The following LYRM4 variants were observed in gnomAD, a reference collection of about 807,000 sequenced individuals.
LYRM4 encodes LYR motif containing 4.
Under a neutral mutation model 11.7 loss-of-function variants are expected in LYRM4, and 9 were observed. The ratio of observed to expected loss-of-function variants is 0.77; its 90% CI spans 0.46 to 1.34. The LOEUF is 1.34. Ranked by LOEUF, LYRM4 falls within the 40% of genes most tolerant of loss-of-function variation. The pLI is 0.00. For synonymous variants in LYRM4, 42 were observed against 40.4 expected, an observed-to-expected ratio of 1.04 and a Z score of -0.15; for missense variants, 133 against 112.5, an observed-to-expected ratio of 1.18 and a Z score of -0.82.
chr6:5,164,805 T>C (rs1758974679), intron 2 of LYRM4, among the ~76,000 whole-genome samples: 1 of 151,988 alleles, frequency 6.6e-6, no homozygotes, highest in African/African-American at 2.4e-5. Flanking sequence ...CAGTCTCTAC[T>C]AAAAATTTAA....
At chr6:5,158,933 G>A (rs1758580362) in intron 2 of LYRM4, among the ~76,000 whole-genome samples, 1 of 150,432 alleles carries the variant, frequency 6.6e-6, no homozygotes, top group Non-Finnish European at 1.5e-5. Context: ...TTCATAATTG[G>A]ACTGAAATGT....
chr6:5,082,966 T>A, the LYRM4 span, among the ~76,000 whole-genome samples: 1 of 152,224 alleles, frequency 6.6e-6, no homozygotes, highest in Non-Finnish European at 1.5e-5. Context: ...CCAGGTCAGA[T>A]ACCACCTTCT....
intron 1 of LYRM4, among the ~76,000 whole-genome samples, chr6:5,253,041 C>T: frequency 6.6e-6 from 1 of 152,192 alleles, no homozygotes; most frequent in Non-Finnish European, 1.5e-5. Flanking sequence ...CTTTGTACTT[C>T]ATTGATAAAC....
chr6:5,081,138 G>C, the LYRM4 span, among the ~76,000 whole-genome samples: 83 of 4,026 alleles, frequency 0.021, 2 homozygotes, highest in African/African-American at 0.025. Flanking sequence ...CTTGGGCGGG[G>C]GGGGGGGGGG....
At chr6:5,213,067 G>C (rs888716921) in intron 2 of LYRM4, among the ~76,000 whole-genome samples, 1 of 152,196 alleles carries the variant, frequency 6.6e-6, no homozygotes, top group African/African-American at 2.4e-5. Flanking sequence ...CAGAGTTGAA[G>C]TGCTCCTTAA....
intron 2 of LYRM4, among the ~76,000 whole-genome samples, chr6:5,141,333 C>T (rs971819787): frequency 6.6e-6 from 1 of 152,198 alleles, no homozygotes; most frequent in Non-Finnish European, 1.5e-5. Flanking sequence ...GGCAATCACT[C>T]GGCTTCTCTG....
At chr6:5,137,501 C>T (rs748436797) in intron 2 of LYRM4, among the ~76,000 whole-genome samples, 9 of 152,162 alleles carry the variant, frequency 5.9e-5, no homozygotes, top group Admixed American at 4.6e-4. Context: ...GAGAAGCTTA[C>T]AAAGGTGTTC....
intron 2 of LYRM4, among the ~76,000 whole-genome samples, chr6:5,123,208 T>C (rs1763541165): frequency 6.6e-6 from 1 of 152,172 alleles, no homozygotes; most frequent in Non-Finnish European, 1.5e-5. Flanking sequence ...CTGAGAATAC[T>C]TGACCCTCGC....
At chr6:5,254,735 CT>C (rs1341190154) in intron 1 of LYRM4, among the ~76,000 whole-genome samples, 2 of 152,190 alleles carry the variant, frequency 1.3e-5, no homozygotes, top group Non-Finnish European at 2.9e-5. Flanking sequence ...CCAACTTGCC[CT>C]CTTCTCCTTC....
downstream of LYRM4, among the ~76,000 whole-genome samples, chr6:5,099,366 G>A (rs568949308): frequency 3.8e-4 from 55 of 146,018 alleles, no homozygotes; most frequent in African/African-American, 1.3e-3. This position sits in a 1 kb window ranked among gnomAD's most constrained non-coding sequence, Gnocchi z 4.3. Flanking sequence ...CACCACACTC[G>A]GCTAATTAAA....
the LYRM4 span, among the ~76,000 whole-genome samples, chr6:5,037,561 G>A: frequency 5.5e-5 from 4 of 72,640 alleles, no homozygotes; most frequent in African/African-American, 1.5e-4. Context: ...GGGCAGAGGG[G>A]CTCCTCACTT....
chr6:5,037,908 A>C, the LYRM4 span, among the ~76,000 whole-genome samples: 2 of 40,464 alleles, frequency 4.9e-5, no homozygotes, highest in South Asian at 1.0e-3. Context: ...GGCGCCCCTC[A>C]CCTCCCGGAC....
chr6:5,131,158 AAC>A (rs1763935014), intron 2 of LYRM4, among the ~76,000 whole-genome samples: 1 of 152,222 alleles, frequency 6.6e-6, no homozygotes, highest in South Asian at 2.1e-4. Flanking sequence ...TTGAGTCTAA[AAC>A]CTTCAAACTA....
At chr6:5,086,665 G>A in the LYRM4 span, 1 of 1,023,458 alleles carries the variant, frequency 9.8e-7, no homozygotes, top group African/African-American at 1.6e-5. Context: ...AGCGTGGCGA[G>A]TCTGGCGTGA....
chr6:5,245,112 A>T (rs1581592251), intron 1 of LYRM4, among the ~76,000 whole-genome samples: 2 of 31,970 alleles, frequency 6.3e-5, no homozygotes, highest in African/African-American at 1.6e-4. Flanking sequence ...AAAAAAAAAA[A>T]AATATATATA....
chr6:5,086,272 G>T, the LYRM4 span: 1 of 1,535,562 alleles, frequency 6.5e-7, no homozygotes, highest in East Asian at 2.4e-5. Flanking sequence ...CTTCCTGGAC[G>T]TGCCGGCTGA....
At chr6:5,104,102 C>A (rs117990461), downstream of LYRM4, 1 of 152,080 alleles carries the variant, frequency 6.6e-6, no homozygotes, top group South Asian at 2.1e-4. Context: ...TATAGAGCAA[C>A]CTTCCTCAAA....
chr6:5,112,367 T>TGAGC (rs142842282), intron 2 of LYRM4, among the ~76,000 whole-genome samples: 3,535 of 152,320 alleles, frequency 0.023, 146 homozygotes, highest in African/African-American at 0.08. Flanking sequence ...AGATCTGTGA[T>TGAGC]GAGCGAGCGA....
the LYRM4 span, among the ~76,000 whole-genome samples, chr6:5,077,121 A>G: frequency 6.6e-6 from 1 of 152,200 alleles, no homozygotes; most frequent in African/African-American, 2.4e-5. Flanking sequence ...GGTTGGGGTC[A>G]GCTTCCCCTG....
Sources: allele counts gnomAD v4.1 joint callset (sites outside exome capture counted in the v4.1 genomes callset), GRCh38; gene constraint gnomAD v4.1.1; non-coding constraint Gnocchi (gnomAD v3.1); transcripts MANE v1.5; gene names NCBI Gene and HGNC (gene_info 2026-07-23, HGNC 2026-07-21).